MYO5A: variants seen among roughly 807,000 people sequenced by gnomAD.
MYO5A encodes myosin VA.
A neutral mutation model predicts 249.7 loss-of-function variants in MYO5A; 98 were observed. That is an observed-to-expected ratio of 0.39 (90% CI 0.33 to 0.46). The LOEUF (loss-of-function observed/expected upper bound fraction) is 0.46, where lower values mean the gene tolerates loss of function less well. Ranked by LOEUF, MYO5A falls within the 20% of genes least tolerant of loss-of-function variation. The pLI is 0.98. For missense variants in MYO5A, 1,696 were observed against 2,308.8 expected (o/e 0.73, Z 5.44); for synonymous variants, 778 against 810.6 (o/e 0.96, Z 0.68).
chr15:52,314,787 T>A (rs2037918057), intron 40 of MYO5A, among the ~76,000 whole-genome samples: 1 of 152,242 alleles, frequency 6.6e-6, no homozygotes, highest in African/African-American at 2.4e-5. Context: ...TCAATAATTT[T>A]TTTTTGTAAA....
chr15:52,467,749 G>GA (rs1437198138), intron 1 of MYO5A, among the ~76,000 whole-genome samples: 2 of 151,994 alleles, frequency 1.3e-5, no homozygotes, highest in Admixed American at 6.5e-5. Flanking sequence ...CAAAGTGAAG[G>GA]AAAAAAATTT....
chr15:52,388,310 G>A (rs1200215223), intron 13 of MYO5A, among the ~76,000 whole-genome samples: 1 of 152,208 alleles, frequency 6.6e-6, no homozygotes, highest in African/African-American at 2.4e-5. Context: ...GTGAGAATCA[G>A]AAGGAACAAA....
At chr15:52,422,782 T>C (rs553320729) in intron 4 of MYO5A, among the ~76,000 whole-genome samples, 2 of 152,264 alleles carry the variant, frequency 1.3e-5, no homozygotes, top group South Asian at 4.1e-4. Context: ...AGTGGCACCA[T>C]CTTGGCCCAC....
intron 11 of MYO5A, among the ~76,000 whole-genome samples, chr15:52,395,006 G>A (rs984658164): frequency 2.0e-5 from 3 of 152,122 alleles, no homozygotes; most frequent in Non-Finnish European, 4.4e-5. Context: ...AAATAAAGAT[G>A]GTTCAAGTTT....
chr15:52,438,853 G>A (rs976108567), intron 1 of MYO5A, among the ~76,000 whole-genome samples: 8 of 152,224 alleles, frequency 5.3e-5, no homozygotes, highest in African/African-American at 1.4e-4. Flanking sequence ...CTGAGCTTTC[G>A]CTCGCCGTCC....
intron 31 of MYO5A, among the ~76,000 whole-genome samples, chr15:52,341,099 G>A (rs991370979): frequency 6.6e-6 from 1 of 152,032 alleles, no homozygotes; most frequent in Non-Finnish European, 1.5e-5. Context: ...AAACAACTCT[G>A]CACTATAAAG....
At chr15:52,391,419 G>A (rs188975081) in intron 12 of MYO5A, among the ~76,000 whole-genome samples, 5 of 152,264 alleles carry the variant, frequency 3.3e-5, no homozygotes, top group East Asian at 1.9e-4. Flanking sequence ...GAAATAAAGC[G>A]AAAGAATAGG....
chr15:52,519,171 G>A (rs546287369), intron 1 of MYO5A, among the ~76,000 whole-genome samples: 10 of 152,052 alleles, frequency 6.6e-5, no homozygotes, highest in South Asian at 4.1e-4. Context: ...ATAAGAAATC[G>A]TGCAACTTAT....
At chr15:52,477,802 T>G (rs565060604) in intron 1 of MYO5A, among the ~76,000 whole-genome samples, 1 of 152,182 alleles carries the variant, frequency 6.6e-6, no homozygotes, top group South Asian at 2.1e-4. Flanking sequence ...CCCGGCCGTA[T>G]GAGGTGTGAG....
intron 1 of MYO5A, among the ~76,000 whole-genome samples, chr15:52,433,989 CTTTCTT>C (rs2075601818): frequency 7.0e-6 from 1 of 143,020 alleles, no homozygotes; most frequent in East Asian, 2.1e-4. Flanking sequence ...TTTTTTTGTT[CTTTCTT>C]TTTCTTTTTT....
chr15:52,497,687 G>A (rs923155865), intron 1 of MYO5A, among the ~76,000 whole-genome samples: 3 of 148,380 alleles, frequency 2.0e-5, no homozygotes, highest in Non-Finnish European at 4.5e-5. Context: ...AACCCGGGAG[G>A]TGGAGGTTGC....
chr15:52,528,264 G>A (rs2141685484), intron 1 of MYO5A, among the ~76,000 whole-genome samples: 1 of 152,274 alleles, frequency 6.6e-6, no homozygotes, highest in South Asian at 2.1e-4. Context: ...CAGCTAAACT[G>A]GGGAGCTAAA....
chr15:52,435,964 T>A (rs1157874326), intron 1 of MYO5A, among the ~76,000 whole-genome samples: 1 of 152,154 alleles, frequency 6.6e-6, no homozygotes, highest in Non-Finnish European at 1.5e-5. Context: ...GTTGCCCAGG[T>A]TGGAGTGCAA....
At chr15:52,378,603 T>A (rs1241144529) in intron 18 of MYO5A, among the ~76,000 whole-genome samples, 1 of 144,190 alleles carries the variant, frequency 6.9e-6, no homozygotes, top group Non-Finnish European at 1.5e-5. Context: ...GAAGTGGCCT[T>A]AGCTCTTTCA....
intron 4 of MYO5A, among the ~76,000 whole-genome samples, chr15:52,424,785 C>T (rs1161540693): frequency 1.3e-5 from 2 of 152,278 alleles, no homozygotes; most frequent in African/African-American, 4.8e-5. Context: ...TATTCTTCTA[C>T]ACATTCACAG....
chr15:52,427,285 C>G (rs1478969201), intron 3 of MYO5A, among the ~76,000 whole-genome samples: 1 of 151,892 alleles, frequency 6.6e-6, no homozygotes, highest in African/African-American at 2.4e-5. Context: ...AGTAAACAAA[C>G]AAACAAACAA....
chr15:52,389,261 T>C lies in MYO5A; in HGVS notation c.1645A>G (p.Ile549Val). Reference sequence around the variant, plus strand: ...ACTTTGTCAGCAAAATGTTGGATGATGAAAGCTTTGTTTGATAGACGAGGC... The same window carrying C: ...ACTTTGTCAGCAAAATGTTGGATGACGAAAGCTTTGTTTGATAGACGAGGC... ...EKPRLSNKAF[I>V]IQHFADKVEY... Residue 549 changes from isoleucine to valine, a missense_variant, in exon 13 of 42, where the codon ATC (isoleucine) becomes GTC (valine). Physicochemically the swap from Ile to Val is conservative, Grantham distance 29. Around this residue, in one of 5 missense-constraint regions of MYO5A, gnomAD observed 277 missense variants for 422.4 expected, o/e 0.66. Coordinates refer to ENST00000399233, the MANE Select transcript of MYO5A (RefSeq NM_001382347.1). 1.2e-6 allele frequency: 2 copies of C among 1,613,576 alleles called. No individual in the cohort carries two copies. The highest frequency in any genetic ancestry group is 1.1e-5 in the South Asian group (1 of 91,052).
rs564508076 is a variant in MYO5A, at chr15:52,491,723, G to C, written c.27+37057C>G. ...AAACATTAATCAAACGGAAATTAAGGCATATCCTCAGGATATATGAAGGCA... is the reference window on the plus strand; with the variant it reads ...AAACATTAATCAAACGGAAATTAAGCCATATCCTCAGGATATATGAAGGCA... On this transcript the variant is annotated intron_variant, in intron 1 of 41. Transcript: ENST00000399233. Among the ~76,000 whole-genome samples, 11 of 152,202 alleles carry C rather than the reference G, an allele frequency of 7.2e-5. No individual in the cohort carries two copies. The South Asian group carries it at 1.4e-3, about 20-fold the overall frequency.
At position 52,319,203 on chromosome 15, in the gene MYO5A, G is replaced by C. The variant is rs1255631085; in HGVS notation, c.5091C>G (p.His1697Gln). ...CCATGCCATGCTGACACATGACCGA[G>C]TGGAAGGAGTTGAGCTGCCGGAGGA... ...DSILRQLNSF[H>Q]SVMCQHGMDP... Residue 1697 changes from histidine (H) to glutamine (Q), a missense_variant, in exon 39 of 42, where the codon CAC (histidine) becomes CAG (glutamine). Transcript: ENST00000399233. The C allele has an allele frequency of 5.6e-6, 9 of 1,614,108 alleles. No individual in the cohort carries two copies. The highest frequency in any genetic ancestry group is 1.3e-5 in the African/African-American group (1 of 74,938).
Sources: allele counts gnomAD v4.1 joint callset (sites outside exome capture counted in the v4.1 genomes callset), GRCh38; gene constraint gnomAD v4.1.1; regional missense constraint gnomAD v4.1.1; transcripts MANE v1.5; gene names NCBI Gene and HGNC (gene_info 2026-07-23, HGNC 2026-07-21).